Variants in PARG observed in about 807,000 individuals in gnomAD.
PARG encodes mitochondrial poly(ADP-ribose) glycohydrolase.
PARG carries 35 observed loss-of-function variants against 113.0 expected under a neutral mutation model. That is an observed-to-expected ratio of 0.31 (90% CI 0.24 to 0.41). The LOEUF (loss-of-function observed/expected upper bound fraction) is 0.41. Ranked by LOEUF, PARG falls within the 10% of genes least tolerant of loss-of-function variation. The probability of loss-of-function intolerance (pLI) is 1.00; values close to 1 mark genes in which losing one functional copy is unlikely to be tolerated. For synonymous variants in PARG, 330 were observed against 409.9 expected (o/e 0.81, Z 2.36); for missense variants, 797 against 1,169.4 (o/e 0.68, Z 4.64).
chr10:49,904,051 G>A (rs551285472), intron 7 of PARG, among the ~76,000 whole-genome samples: 14 of 151,776 alleles, frequency 9.2e-5, no homozygotes, highest in African/African-American at 2.7e-4. Context: ...AAATAGAGCC[G>A]AAACTCAAGA....
At position 49,941,731 on chromosome 10, in the gene PARG, G is replaced by A; in HGVS notation, c.-6C>T. ...CAGCCGGGGCCCGCATTCATGCTGG[G>A]ACCAGCAGCGCACTGTCCCCGGGCC... On this transcript the variant is annotated 5_prime_UTR_variant, in exon 1 of 18. Coordinates refer to ENST00000616448, the MANE Select transcript of PARG (RefSeq NM_003631.5). The A allele has an allele frequency of 5.7e-6, 9 of 1,565,656 alleles. No homozygotes were observed. The highest frequency in any genetic ancestry group is 7.8e-6 in the Non-Finnish European group (9 of 1,158,524).
rs537727362 is a variant in PARG at position 49,916,111 on chromosome 10, A to G, written c.1663-120T>C. 5.8e-6 allele frequency: 4 copies of G among 686,674 alleles called. No homozygotes were observed. The African/African-American group carries it at 7.1e-5, about 12-fold the overall frequency. 42.5% of individuals were successfully genotyped at this position (686,674 alleles called of 1,614,324 possible). On this transcript the variant is annotated intron_variant, in intron 6 of 17. Transcript: ENST00000616448. ...CATAATGTTAGACAAGCTTCCTACT[A>G]CCTCCCCCTGCTACTGATATGGACA...
At chr10:49,841,634 A>T (rs1845242805) in intron 15 of PARG, among the ~76,000 whole-genome samples, 1 of 152,134 alleles carries the variant, frequency 6.6e-6, no homozygotes, top group Non-Finnish European at 1.5e-5. Context: ...CTGAGAAAAA[A>T]ATTTTCAGAG....
intron 7 of PARG, among the ~76,000 whole-genome samples, chr10:49,889,124 G>T (rs1588947190): frequency 1.4e-5 from 2 of 138,808 alleles, no homozygotes; most frequent in African/African-American, 2.7e-5. Context: ...GTTTATAATT[G>T]CTCAGCCTTC....
intron 8 of PARG, among the ~76,000 whole-genome samples, chr10:49,884,600 A>G (rs1422177581): frequency 6.6e-6 from 1 of 151,934 alleles, no homozygotes; most frequent in African/African-American, 2.4e-5. Context: ...GTATGGTGGT[A>G]CATGCCTATA....
In PARG at chr10:49,885,059, C is replaced by G; in HGVS notation, c.1830+144G>C. ...TGGCAAAAACTGTTTCCCATTTCTT[C>G]TCTTCTCTTCCTCTCTCTCTCTCTC... On this transcript the variant is annotated intron_variant, in intron 8 of 17. Transcript: ENST00000616448. The G allele has an allele frequency of 4.4e-6, 3 of 684,716 alleles. No homozygotes were observed. In the South Asian group the frequency reaches 4.8e-5, roughly 11 times the overall value. 42.4% of individuals were successfully genotyped at this position (684,716 alleles called of 1,614,324 possible).
intron 6 of PARG, among the ~76,000 whole-genome samples, chr10:49,917,104 A>T (rs1554847857): frequency 6.6e-6 from 1 of 152,072 alleles, no homozygotes; most frequent in Non-Finnish European, 1.5e-5. Flanking sequence ...TAAAAGAAAA[A>T]GAAAAATCTT....
In PARG at chr10:49,885,277, C is replaced by T. The variant is rs781974714; in HGVS notation, c.1756G>A (p.Ala586Thr). The T allele has an allele frequency of 1.9e-6, 3 of 1,607,752 alleles. No homozygotes were observed. The highest frequency in any genetic ancestry group is 4.5e-5 in the East Asian group (2 of 44,850). The change falls in exon 8 of 18, where the codon GCT becomes ACT. Residue 586 changes from alanine (A) to threonine (T), a missense_variant. Around this residue, in one of 5 missense-constraint regions of PARG, gnomAD observed 252 missense variants for 437.4 expected, o/e 0.58. Coordinates refer to ENST00000616448, the MANE Select transcript of PARG (RefSeq NM_003631.5). Reference sequence around the variant, plus strand: ...AAGATGGACTGATATAAATGTTGAGCTTCTGCTTCTTCAAGTACCTGAAAA... The same window carrying T: ...AAGATGGACTGATATAAATGTTGAGTTTCTGCTTCTTCAAGTACCTGAAAA... ...FWDKVLEEAE[A>T]QHLYQSILPD... is the part of the protein sequence containing the mutation.
intron 7 of PARG, among the ~76,000 whole-genome samples, chr10:49,905,553 A>G (rs1215312825): frequency 1.3e-5 from 2 of 151,948 alleles, no homozygotes; most frequent in Non-Finnish European, 2.9e-5. Context: ...AATAAGTTTG[A>G]AAAAAAGAGG....
At chr10:49,826,804 C>T (rs192658987) in intron 16 of PARG, among the ~76,000 whole-genome samples, 67 of 152,254 alleles carry the variant, frequency 4.4e-4, no homozygotes, top group Non-Finnish European at 2.9e-4. Flanking sequence ...ACTAAGGAGT[C>T]CTCCTTTCTT....
chr10:49,913,207 T>C (rs1837294003), intron 7 of PARG, among the ~76,000 whole-genome samples: 1 of 152,152 alleles, frequency 6.6e-6, no homozygotes, highest in Non-Finnish European at 1.5e-5. Context: ...TATCTGGAGA[T>C]TTGATGGATA....
intron 6 of PARG, among the ~76,000 whole-genome samples, chr10:49,918,005 A>C (rs1837599702): frequency 6.6e-6 from 1 of 152,182 alleles, no homozygotes; most frequent in South Asian, 2.1e-4. Context: ...ATGAATCTCA[A>C]AATTATCTTC....
At chr10:49,934,862 GAC>G (rs1401344942) in intron 2 of PARG, among the ~76,000 whole-genome samples, 2 of 150,294 alleles carry the variant, frequency 1.3e-5, no homozygotes, top group Non-Finnish European at 3.0e-5. Context: ...AAAAAAAAAA[GAC>G]ACAGACTATT....
intron 13 of PARG, among the ~76,000 whole-genome samples, chr10:49,845,768 G>T (rs1588890589): frequency 6.6e-6 from 1 of 150,600 alleles, no homozygotes; most frequent in South Asian, 2.1e-4. Flanking sequence ...ATGGTGGCAG[G>T]CACCTATAAT....
intron 7 of PARG, among the ~76,000 whole-genome samples, chr10:49,892,645 T>C (rs1847864981): frequency 6.6e-6 from 1 of 152,186 alleles, no homozygotes; most frequent in Non-Finnish European, 1.5e-5. Context: ...AAATACTATT[T>C]GGTTTCTATG....
At chr10:49,931,693 C>CAAAAAAAA (rs1191457420) in intron 4 of PARG, among the ~76,000 whole-genome samples, 6 of 71,742 alleles carry the variant, frequency 8.4e-5, no homozygotes, top group Non-Finnish European at 1.1e-4. Context: ...TGGTCTCCAG[C>CAAAAAAAA]AAAAAAAAAA....
At chr10:49,893,093 A>G (rs1847890219) in intron 7 of PARG, among the ~76,000 whole-genome samples, 1 of 152,164 alleles carries the variant, frequency 6.6e-6, no homozygotes, top group Non-Finnish European at 1.5e-5. Flanking sequence ...ATAGGTAGGT[A>G]GAGAAAGAAA....
chr10:49,849,509 A>AT (rs1288431789), intron 13 of PARG, among the ~76,000 whole-genome samples: 1 of 152,118 alleles, frequency 6.6e-6, no homozygotes, highest in African/African-American at 2.4e-5. Context: ...TATATCCAAA[A>AT]TATATAAAGC....
intron 11 of PARG, among the ~76,000 whole-genome samples, chr10:49,862,086 C>CGTGTGTGTGT (rs35142553): frequency 1.7e-4 from 24 of 142,934 alleles, no homozygotes; most frequent in African/African-American, 6.1e-4. Context: ...GTTTCATAAC[C>CGTGTGTGTGT]GTGTGTGTGT....
Sources: gnomAD v4.1 joint callset for allele counts (sites outside exome capture counted in the v4.1 genomes callset) on GRCh38, gnomAD v4.1.1 for gene constraint, gnomAD v4.1.1 regional missense constraint, MANE v1.5 for transcripts, NCBI Gene and HGNC (gene_info 2026-07-23, HGNC 2026-07-21) for gene names.